SPPL3: variants seen among roughly 807,000 people sequenced by gnomAD.
The protein encoded by SPPL3 is signal peptide peptidase-like 3.
In SPPL3, 5 loss-of-function variants were observed where a neutral mutation model predicts 42.4. The ratio of observed to expected loss-of-function variants is 0.12; its 90% confidence interval spans 0.06 to 0.25. The LOEUF (loss-of-function observed/expected upper bound fraction) is 0.25. Among genes scored for constraint, SPPL3 ranks in the 10% least tolerant of loss-of-function variants. The pLI is 1.00. For synonymous variants in SPPL3, 195 were observed against 181.8 expected (o/e 1.07, Z -0.58); for missense variants, 235 against 489.0 (o/e 0.48, Z 4.90).
intron 3 of SPPL3, among the ~76,000 whole-genome samples, chr12:120,786,502 A>C (rs1343031730): frequency 6.6e-6 from 1 of 152,240 alleles, no homozygotes; most frequent in African/African-American, 2.4e-5. Flanking sequence ...GAGAAAATTA[A>C]ATGGCTAGCT....
intron 2 of SPPL3, among the ~76,000 whole-genome samples, chr12:120,805,208 A>C (rs1240225760): frequency 6.6e-6 from 1 of 152,216 alleles, no homozygotes; most frequent in African/African-American, 2.4e-5. Context: ...GTATACTTTA[A>C]GTGACCAAAC....
chr12:120,769,526 T>A (rs1869036213), intron 6 of SPPL3: 1 of 157,034 alleles, frequency 6.4e-6, no homozygotes, highest in Non-Finnish European at 1.4e-5. Flanking sequence ...TTTCAGAGAT[T>A]ACCACTGTTC....
intron 1 of SPPL3, among the ~76,000 whole-genome samples, chr12:120,837,844 A>C (rs1871675025): frequency 6.6e-6 from 1 of 151,998 alleles, no homozygotes; most frequent in Non-Finnish European, 1.5e-5. Flanking sequence ...ACACATGACT[A>C]GTGCCTAAAT....
chr12:120,855,694 C>CAAAA (rs112178601), intron 1 of SPPL3, among the ~76,000 whole-genome samples: 1 of 138,406 alleles, frequency 7.2e-6, no homozygotes, highest in Admixed American at 7.3e-5. Flanking sequence ...GACTCCATCT[C>CAAAA]AAAAAAAAAA....
chr12:120,793,936 T>C (rs1870008453), intron 2 of SPPL3, among the ~76,000 whole-genome samples: 1 of 152,266 alleles, frequency 6.6e-6, no homozygotes, highest in Admixed American at 6.5e-5. Flanking sequence ...AAGAGTATTG[T>C]TGAAATCCAC....
intron 1 of SPPL3, among the ~76,000 whole-genome samples, chr12:120,893,372 A>C (rs1481684821): frequency 1.3e-5 from 2 of 152,142 alleles, no homozygotes; most frequent in Non-Finnish European, 1.5e-5. Context: ...ATGGCGTGAA[A>C]AAAATATATA....
intron 1 of SPPL3, among the ~76,000 whole-genome samples, chr12:120,874,253 GACCA>G (rs1039916108): frequency 6.6e-6 from 1 of 151,990 alleles, no homozygotes; most frequent in Non-Finnish European, 1.5e-5. Flanking sequence ...AGGAGATCGA[GACCA>G]ACCTGGCCAA....
chr12:120,890,450 G>T (rs182306398), intron 1 of SPPL3, among the ~76,000 whole-genome samples: 2 of 151,552 alleles, frequency 1.3e-5, no homozygotes, highest in East Asian at 3.9e-4. Flanking sequence ...TTAGCTGGGC[G>T]TGGTGGCAGG....
rs978446211 is a variant in SPPL3 at position 120,781,582 on chromosome 12, T to G, written c.502+1073A>C. 1.2e-4 allele frequency among the ~76,000 whole-genome samples: 14 copies of G among 114,768 alleles called. 1 individual carries two copies. The South Asian group carries it at 3.1e-3, about 25-fold the overall frequency. The allele number at this position is 114,768 out of a possible 152,430, so 75.3% of individuals were successfully genotyped here. A position where few individuals can be genotyped will look rare whatever the true frequency, so the allele number is the denominator to read the frequency against. On this transcript the variant is annotated intron_variant, in intron 6 of 10. Transcript: ENST00000353487. ...TTTTTTTTTTTTTTTTTTTTTTTTT[T>G]TTTTTTTTTGAGACGGAGTCTTGCT...
chr12:120,789,833 A>AG (rs1869854744), intron 3 of SPPL3, among the ~76,000 whole-genome samples: 1 of 144,260 alleles, frequency 6.9e-6, no homozygotes. Flanking sequence ...TCAAAAAAAA[A>AG]AAAAAAAAAA....
At chr12:120,812,427 TGGCCAGA>T (rs1870715182) in intron 1 of SPPL3, among the ~76,000 whole-genome samples, 1 of 152,134 alleles carries the variant, frequency 6.6e-6, no homozygotes, top group Non-Finnish European at 1.5e-5. Context: ...CCACTGCGCC[TGGCCAGA>T]GGAACAGATT....
At chr12:120,864,507 CCCAGA>C (rs1169760657) in intron 1 of SPPL3, among the ~76,000 whole-genome samples, 7 of 152,250 alleles carry the variant, frequency 4.6e-5, no homozygotes, top group African/African-American at 1.4e-4. Context: ...TGCACTCCAG[CCCAGA>C]CAAGAACGAA....
intron 1 of SPPL3, among the ~76,000 whole-genome samples, chr12:120,885,819 G>A (rs2137061403): frequency 1.3e-5 from 2 of 150,664 alleles, no homozygotes; most frequent in South Asian, 4.2e-4. Flanking sequence ...GAAAATGTAA[G>A]CTGTGAGTAA....
At position 120,858,950 on chromosome 12, in the gene SPPL3, T is replaced by C. The variant is rs545955849; in HGVS notation, c.23+44895A>G. Among the ~76,000 whole-genome samples, 38 of 152,318 alleles carry C rather than the reference T, an allele frequency of 2.5e-4. 1 individual carries two copies. In the South Asian group the frequency reaches 7.5e-3, roughly 30 times the overall value. ...AACTTTTTACGAATCAGTTTCTTTTTATAATCTATCAGTATTTACTTATTT... is the reference window on the plus strand; with the variant it reads ...AACTTTTTACGAATCAGTTTCTTTTCATAATCTATCAGTATTTACTTATTT... On this transcript the variant is annotated intron_variant, in intron 1 of 10. Transcript: ENST00000353487.
chr12:120,888,730 C>G (rs759100095), intron 1 of SPPL3, among the ~76,000 whole-genome samples: 2 of 152,182 alleles, frequency 1.3e-5, no homozygotes, highest in Non-Finnish European at 2.9e-5. Flanking sequence ...GTGGTGACGA[C>G]TGCCCAACTC....
intron 1 of SPPL3, among the ~76,000 whole-genome samples, chr12:120,880,731 G>A (rs1483013560): frequency 2.0e-5 from 3 of 149,840 alleles, no homozygotes; most frequent in Non-Finnish European, 4.5e-5. Context: ...AGGTTGCAGT[G>A]AGCCGAGATC....
rs1304964870 is a variant in SPPL3, at chr12:120,808,711, A to G, written c.101+2098T>C. 6.6e-5 allele frequency among the ~76,000 whole-genome samples: 10 copies of G among 152,240 alleles called. No individual in the cohort carries two copies. The South Asian group carries it at 1.4e-3, about 22-fold the overall frequency. On this transcript the variant is annotated intron_variant, in intron 2 of 10. Coordinates refer to ENST00000353487, the MANE Select transcript of SPPL3 (RefSeq NM_139015.5). Reference sequence around the variant, plus strand: ...CAAATTACTAAAATGATATGAAGATAATTTGTAGAAAGTATTTGTCTGGTG... The same window carrying G: ...CAAATTACTAAAATGATATGAAGATGATTTGTAGAAAGTATTTGTCTGGTG...
At chr12:120,807,884 T>G (rs1870552933) in intron 2 of SPPL3, among the ~76,000 whole-genome samples, 1 of 152,072 alleles carries the variant, frequency 6.6e-6, no homozygotes. Flanking sequence ...ACTTATTCAG[T>G]GAGTTCAATT....
chr12:120,854,596 T>C (rs181670069), intron 1 of SPPL3, among the ~76,000 whole-genome samples: 2 of 152,278 alleles, frequency 1.3e-5, no homozygotes, highest in East Asian at 3.9e-4. Context: ...TTAAATTATA[T>C]ATTCTGTATA....
Sources: gnomAD v4.1 joint callset for allele counts (sites outside exome capture counted in the v4.1 genomes callset) on GRCh38, gnomAD v4.1.1 for gene constraint, MANE v1.5 for transcripts, NCBI Gene and HGNC (gene_info 2026-07-23, HGNC 2026-07-21) for gene names.